TRHDE: variants seen among roughly 807,000 people sequenced by gnomAD.
TRHDE encodes thyrotropin-releasing hormone-degrading ectoenzyme.
TRHDE carries 72 observed loss-of-function variants against 125.7 expected under a neutral mutation model. The ratio of observed to expected loss-of-function variants is 0.57; its 90% CI spans 0.47 to 0.70. TRHDE has a LOEUF of 0.70. Among genes scored for constraint, TRHDE ranks in the 30% least tolerant of loss-of-function variants. The pLI is 0.00. For missense variants in TRHDE, 1,110 were observed against 1,327.1 expected (o/e 0.84, Z 2.54); for synonymous variants, 509 against 509.1 (o/e 1.00, Z 0.00).
At chr12:72,401,033 T>A (rs1465929352) in intron 3 of TRHDE, among the ~76,000 whole-genome samples, 1 of 152,200 alleles carries the variant, frequency 6.6e-6, no homozygotes, top group Non-Finnish European at 1.5e-5. Flanking sequence ...TTTCTCCTTT[T>A]TTTCTATGCT....
At chr12:72,169,497 T>C (rs1487002554) in intron 2 of TRHDE, among the ~76,000 whole-genome samples, 7 of 152,154 alleles carry the variant, frequency 4.6e-5, no homozygotes, top group Admixed American at 1.3e-4. Context: ...GGCTGGTAGA[T>C]GGATTTTTCT....
intron 2 of TRHDE, among the ~76,000 whole-genome samples, chr12:72,208,313 A>G (rs1487181847): frequency 4.6e-5 from 7 of 152,150 alleles, no homozygotes; most frequent in Non-Finnish European, 8.8e-5. Flanking sequence ...CAACTTAAAC[A>G]AATGGGTTCG....
At chr12:72,220,144 G>C (rs1488047252) in intron 2 of TRHDE, among the ~76,000 whole-genome samples, 1 of 152,066 alleles carries the variant, frequency 6.6e-6, no homozygotes, top group Admixed American at 6.6e-5. Context: ...TATGAAATGG[G>C]GCCAGAGGTT....
chr12:72,307,213 C>T (rs1016018694), intron 2 of TRHDE, among the ~76,000 whole-genome samples: 5 of 152,022 alleles, frequency 3.3e-5, no homozygotes, highest in African/African-American at 1.2e-4. Context: ...GTGGTGTGAT[C>T]TTGGCTCACT....
At chr12:72,148,800 A>G (rs1447356278) in intron 2 of TRHDE, among the ~76,000 whole-genome samples, 1 of 152,204 alleles carries the variant, frequency 6.6e-6, no homozygotes, top group Non-Finnish European at 1.5e-5. Context: ...TTTGTTTGTC[A>G]GAAAAGTAAT....
At chr12:72,349,442 T>A (rs1306673073) in intron 2 of TRHDE, among the ~76,000 whole-genome samples, 1 of 152,090 alleles carries the variant, frequency 6.6e-6, no homozygotes, top group African/African-American at 2.4e-5. Context: ...ACTTTATTGA[T>A]GCCTTGAGTA....
At chr12:72,513,224 T>C (rs941306923) in intron 6 of TRHDE, among the ~76,000 whole-genome samples, 1 of 152,110 alleles carries the variant, frequency 6.6e-6, no homozygotes, top group African/African-American at 2.4e-5. Context: ...TTTTGAAATA[T>C]TTAAGAATTC....
chr12:72,238,329 TA>T (rs1878399005), intron 2 of TRHDE, among the ~76,000 whole-genome samples: 1 of 29,984 alleles, frequency 3.3e-5, no homozygotes. Flanking sequence ...TATACATATA[TA>T]TATACACATT....
chr12:72,268,844 T>C (rs1292371960), upstream of TRHDE, among the ~76,000 whole-genome samples: 1 of 152,108 alleles, frequency 6.6e-6, no homozygotes, highest in African/African-American at 2.4e-5. Context: ...TACAAGCCCC[T>C]GAATCAAATA....
At position 72,162,025 on chromosome 12, in the gene TRHDE, G is replaced by A. The variant is rs144001104; in HGVS notation, n.279+56273G>A. 5.9e-4 allele frequency among the ~76,000 whole-genome samples: 90 copies of A among 152,242 alleles called. 1 individual carries two copies. The East Asian group carries it at 0.016, about 27-fold the overall frequency. On this transcript the variant is annotated intron_variant and non_coding_transcript_variant, in intron 2 of 4. Coordinates refer to the TRHDE transcript ENST00000548156. ...TTGTGGATGTGGATCATTTACTATGGCACTTAGTAAATTTTCCTGTCTTCC... is the reference window on the plus strand; with the variant it reads ...TTGTGGATGTGGATCATTTACTATGACACTTAGTAAATTTTCCTGTCTTCC...
intron 6 of TRHDE, among the ~76,000 whole-genome samples, chr12:72,526,724 G>A (rs139013586): frequency 2.6e-4 from 40 of 152,164 alleles, no homozygotes; most frequent in African/African-American, 9.4e-4. Flanking sequence ...GAGTGAGTGA[G>A]GTGTGTCTGC....
chr12:72,549,760 C>G (rs1664495727), intron 7 of TRHDE, among the ~76,000 whole-genome samples: 1 of 151,270 alleles, frequency 6.6e-6, no homozygotes, highest in African/African-American at 2.4e-5. Context: ...TTAAAAATTC[C>G]ATCTTTAATA....
intron 6 of TRHDE, among the ~76,000 whole-genome samples, chr12:72,529,402 C>G (rs1868425337): frequency 6.6e-6 from 1 of 152,040 alleles, no homozygotes; most frequent in African/African-American, 2.4e-5. Flanking sequence ...ACATTGAAGT[C>G]CTCTAATCCC....
At chr12:72,309,356 T>C (rs1592534712) in intron 2 of TRHDE, among the ~76,000 whole-genome samples, 1 of 152,160 alleles carries the variant, frequency 6.6e-6, no homozygotes. Context: ...TAAAAATTTT[T>C]GCATGTGTTA....
At chr12:72,494,363 A>G (rs959577324) in intron 5 of TRHDE, among the ~76,000 whole-genome samples, 21 of 152,014 alleles carry the variant, frequency 1.4e-4, no homozygotes, top group African/African-American at 4.6e-4. Flanking sequence ...CTCCATGCCT[A>G]TGAATACCTC....
chr12:72,129,132 A>G (rs888557969), intron 2 of TRHDE, among the ~76,000 whole-genome samples: 2 of 152,218 alleles, frequency 1.3e-5, no homozygotes, highest in Non-Finnish European at 2.9e-5. Context: ...CCTGAAAGAA[A>G]AAAGTCCACT....
intron 7 of TRHDE, 69 bp from the exon 8 acceptor site, chr12:72,562,096 G>T: frequency 1.5e-6 from 1 of 651,306 alleles, no homozygotes; most frequent in Non-Finnish European, 2.7e-6. Context: ...ATTATTAATT[G>T]AGAAATAAAT....
At chr12:72,435,863 A>G (rs1306179568) in intron 3 of TRHDE, among the ~76,000 whole-genome samples, 2 of 152,066 alleles carry the variant, frequency 1.3e-5, no homozygotes, top group Non-Finnish European at 2.9e-5. Flanking sequence ...GGACATAATT[A>G]TGCTATTACA....
chr12:72,157,123 C>T (rs1056133642), intron 2 of TRHDE, among the ~76,000 whole-genome samples: 3 of 143,646 alleles, frequency 2.1e-5, no homozygotes, highest in Non-Finnish European at 4.6e-5. Flanking sequence ...TTTTCTTTTT[C>T]TTTTTTTTTT....
Sources: allele counts gnomAD v4.1 joint callset (sites outside exome capture counted in the v4.1 genomes callset), GRCh38; gene constraint gnomAD v4.1.1; transcripts MANE v1.5; gene names NCBI Gene and HGNC (gene_info 2026-07-23, HGNC 2026-07-21).